Variants in CLVS1 observed in about 807,000 individuals in gnomAD.
The protein encoded by CLVS1 is clavesin-1.
In CLVS1, 10 loss-of-function variants were observed where a neutral mutation model predicts 33.1. That is an observed-to-expected ratio of 0.30 (90% CI 0.19 to 0.51). The LOEUF (loss-of-function observed/expected upper bound fraction) is 0.51, where lower values mean the gene tolerates loss of function less well. CLVS1 is among the 20% of genes least tolerant of loss of function. The probability of loss-of-function intolerance (pLI) is 0.97; values close to 1 mark genes in which losing one functional copy is unlikely to be tolerated. For synonymous variants in CLVS1, 163 were observed against 166.1 expected, an observed-to-expected ratio of 0.98 and a Z score of 0.14; for missense variants, 343 against 433.4, an observed-to-expected ratio of 0.79 and a Z score of 1.85.
the CLVS1 span, among the ~76,000 whole-genome samples, chr8:61,047,957 A>AT: frequency 6.6e-6 from 1 of 151,784 alleles, no homozygotes; most frequent in African/African-American, 2.4e-5. Context: ...ATAAAATAAA[A>AT]AAAATTCATC....
the CLVS1 span, among the ~76,000 whole-genome samples, chr8:61,023,980 C>T: frequency 3.3e-5 from 5 of 152,130 alleles, no homozygotes; most frequent in African/African-American, 1.2e-4. Context: ...TTTATAAAAG[C>T]CCAGACATCC....
At chr8:61,008,225 G>A in the CLVS1 span, among the ~76,000 whole-genome samples, 1 of 134,934 alleles carries the variant, frequency 7.4e-6, no homozygotes, top group Non-Finnish European at 1.8e-5. Flanking sequence ...CCACATTTAA[G>A]CTTTGTTTTT....
chr8:61,353,927 A>G (rs889331685), intron 2 of CLVS1, among the ~76,000 whole-genome samples: 13 of 152,000 alleles, frequency 8.6e-5, no homozygotes, highest in Non-Finnish European at 1.8e-4. Flanking sequence ...TCCTACAGCC[A>G]TGAAAAGGAA....
At chr8:61,473,133 G>A (rs913767305) in intron 5 of CLVS1, among the ~76,000 whole-genome samples, 5 of 151,964 alleles carry the variant, frequency 3.3e-5, no homozygotes, top group African/African-American at 9.7e-5. Flanking sequence ...TCACATATAA[G>A]CTGAAAACTG....
intron 3 of CLVS1, among the ~76,000 whole-genome samples, chr8:61,382,123 AT>A (rs1287917041): frequency 9.2e-5 from 14 of 152,220 alleles, no homozygotes; most frequent in Non-Finnish European, 1.6e-4. Flanking sequence ...AAAGTGCCAT[AT>A]TCACTCAAAA....
intron 1 of CLVS1, among the ~76,000 whole-genome samples, chr8:61,108,026 G>A (rs1407089651): frequency 6.6e-6 from 1 of 152,044 alleles, no homozygotes; most frequent in Non-Finnish European, 1.5e-5. Context: ...CCAGCACTTT[G>A]GGAGGTCGAG....
intron 2 of CLVS1, among the ~76,000 whole-genome samples, chr8:61,150,037 C>A (rs949071725): frequency 7.3e-5 from 11 of 151,544 alleles, no homozygotes; most frequent in African/African-American, 2.7e-4. Context: ...CTGAAAATCC[C>A]ACTTCTGAGT....
intron 1 of CLVS1, among the ~76,000 whole-genome samples, chr8:61,299,016 G>A (rs773922253): frequency 1.3e-5 from 2 of 152,142 alleles, no homozygotes; most frequent in Non-Finnish European, 2.9e-5. Context: ...ATTTGCAAAT[G>A]TCCCTGTGAG....
intron 5 of CLVS1, among the ~76,000 whole-genome samples, chr8:61,470,097 T>A (rs1450159276): frequency 6.6e-6 from 1 of 152,234 alleles, no homozygotes; most frequent in Non-Finnish European, 1.5e-5. Context: ...GAAAAATAGC[T>A]GCATAGCCTC....
intron 2 of CLVS1, among the ~76,000 whole-genome samples, chr8:61,345,638 ATGTGTGTGTG>A (rs1004446368): frequency 3.8e-5 from 5 of 130,398 alleles, no homozygotes; most frequent in African/African-American, 1.6e-4. Context: ...GTGTGTGTGT[ATGTGTGTGTG>A]TGTGTGTGTG....
At chr8:61,333,435 T>A (rs1445086250) in intron 2 of CLVS1, among the ~76,000 whole-genome samples, 1 of 152,114 alleles carries the variant, frequency 6.6e-6, no homozygotes, top group African/African-American at 2.4e-5. Context: ...AACTGCAGCC[T>A]GCAGGAAAAA....
intron 3 of CLVS1, among the ~76,000 whole-genome samples, chr8:61,439,159 T>G (rs1026948149): frequency 6.6e-6 from 1 of 152,184 alleles, no homozygotes; most frequent in Non-Finnish European, 1.5e-5. Context: ...GCAGGTTGCA[T>G]CATATGAAGC....
chr8:61,026,564 A>T, the CLVS1 span, among the ~76,000 whole-genome samples: 2 of 152,188 alleles, frequency 1.3e-5, no homozygotes, highest in East Asian at 3.8e-4. Context: ...GCATTAAACG[A>T]GGCCCTTGGA....
chr8:61,457,309 C>A (rs569514570), intron 4 of CLVS1, among the ~76,000 whole-genome samples: 3 of 152,208 alleles, frequency 2.0e-5, no homozygotes, highest in Admixed American at 1.3e-4. Context: ...TGATCCTATA[C>A]TTGGGTGCAC....
chr8:60,985,122 C>A, the CLVS1 span, among the ~76,000 whole-genome samples: 2 of 152,166 alleles, frequency 1.3e-5, no homozygotes, highest in Non-Finnish European at 2.9e-5. Flanking sequence ...GCTATTTTTT[C>A]TTCTCTCAGA....
At chr8:61,151,254 T>C (rs1052769813) in intron 2 of CLVS1, among the ~76,000 whole-genome samples, 1 of 152,168 alleles carries the variant, frequency 6.6e-6, no homozygotes, top group Non-Finnish European at 1.5e-5. Flanking sequence ...CAGAAGATAT[T>C]GCAATAAACA....
intron 2 of CLVS1, among the ~76,000 whole-genome samples, chr8:61,332,129 G>C (rs1362521518): frequency 6.6e-6 from 1 of 152,196 alleles, no homozygotes; most frequent in East Asian, 1.9e-4. Context: ...TTAACTGAGG[G>C]AAAAGGTGGC....
chr8:61,326,655 T>C (rs1811397376), intron 2 of CLVS1, among the ~76,000 whole-genome samples: 1 of 152,146 alleles, frequency 6.6e-6, no homozygotes, highest in South Asian at 2.1e-4. Flanking sequence ...TGGGAGGAAT[T>C]TGTGACCATT....
chr8:61,051,812 T>C, the CLVS1 span, among the ~76,000 whole-genome samples: 1 of 152,156 alleles, frequency 6.6e-6, no homozygotes, highest in Non-Finnish European at 1.5e-5. Context: ...GGCCATGGAG[T>C]GCCCCCCAAC....
Sources: gnomAD v4.1 joint callset for allele counts (sites outside exome capture counted in the v4.1 genomes callset) on GRCh38, gnomAD v4.1.1 for gene constraint, MANE v1.5 for transcripts, NCBI Gene and HGNC (gene_info 2026-07-23, HGNC 2026-07-21) for gene names.